The following DNAH17 variants were observed in gnomAD, a reference collection of about 807,000 sequenced individuals.
DNAH17 encodes axonemal beta dynein heavy chain 17.
In DNAH17, 376 loss-of-function variants were observed where a neutral mutation model predicts 485.6. The observed-to-expected ratio is 0.77, with a 90% CI of 0.71 to 0.84. The LOEUF is 0.84. DNAH17 is among the 40% of genes least tolerant of loss of function. The pLI, the probability that DNAH17 is intolerant of heterozygous loss-of-function variation, is 0.00. For synonymous variants in DNAH17, 3,031 were observed against 2,405.9 expected (o/e 1.26, Z -7.60); for missense variants, 6,370 against 5,839.3 (o/e 1.09, Z -2.96).
At chr17:78,507,853 A>G in intron 27 of DNAH17, 48 bp from the exon 28 acceptor site, 1 of 1,457,182 alleles carries the variant, frequency 6.9e-7, no homozygotes, top group Non-Finnish European at 9.1e-7. Context: ...TGGCATGCAA[A>G]GCTCAGGCAG....
At chr17:78,477,657 A>G (rs8073429) in intron 51 of DNAH17, among the ~76,000 whole-genome samples, 6,108 of 152,212 alleles carry the variant, frequency 0.04, 392 homozygotes, top group African/African-American at 0.14. Flanking sequence ...GATTACAGGC[A>G]TGAACCACTG....
chr17:78,577,234 G>A (rs752811), intron 1 of DNAH17, 61 bp downstream of exon 1: 68,896 of 152,248 alleles, frequency 0.45, 17,859 homozygotes, highest in East Asian at 0.7. Flanking sequence ...ATCCTCTGAA[G>A]GCCTCCCTGC....
intron 72 of DNAH17, among the ~76,000 whole-genome samples, chr17:78,440,632 C>T (rs953457953): frequency 6.6e-6 from 1 of 152,128 alleles, no homozygotes; most frequent in Non-Finnish European, 1.5e-5. Context: ...TCCACTTATC[C>T]ATTTGTCAGT....
At chr17:78,544,450 G>A in intron 16 of DNAH17, among the ~76,000 whole-genome samples, 1 of 152,174 alleles carries the variant, frequency 6.6e-6, no homozygotes. Flanking sequence ...GGGTGGGAAA[G>A]GGTAGAGAGT....
At position 78,438,258 on chromosome 17, in the gene DNAH17, C is replaced by T. The variant is rs750070290; in HGVS notation, c.11806-390G>A. On this transcript the variant is annotated intron_variant, in intron 73 of 80. Coordinates refer to ENST00000389840, the MANE Select transcript of DNAH17 (RefSeq NM_173628.4). ...TGAGGTCGACACACACTGTAAGACC[C>T]GTGGAAGCTGGGACAGGCCCAGAGG... 2.0e-5 allele frequency among the ~76,000 whole-genome samples: 3 copies of T among 150,690 alleles called. No homozygotes were observed. In the South Asian group the frequency reaches 6.3e-4, roughly 32 times the overall value.
intron 69 of DNAH17, among the ~76,000 whole-genome samples, chr17:78,447,045 C>T (rs903080258): frequency 6.6e-6 from 1 of 152,082 alleles, no homozygotes; most frequent in Non-Finnish European, 1.5e-5. Flanking sequence ...CTCAAGTGAC[C>T]CGCCTATCTC....
chr17:78,488,145 G>C (rs1291747869), intron 44 of DNAH17, among the ~76,000 whole-genome samples: 1 of 152,224 alleles, frequency 6.6e-6, no homozygotes, highest in Non-Finnish European at 1.5e-5. Flanking sequence ...AGGAGTCACT[G>C]AGTGCGGGTC....
At chr17:78,501,573 G>A in intron 34 of DNAH17, 169 bp downstream of exon 34, 1 of 1,041,900 alleles carries the variant, frequency 9.6e-7, no homozygotes, top group Non-Finnish European at 1.4e-6. Flanking sequence ...GCTGTGTGTT[G>A]CTCACCAGGG....
At chr17:78,544,332 C>T (rs7207778) in intron 16 of DNAH17, among the ~76,000 whole-genome samples, 90,654 of 151,898 alleles carry the variant, frequency 0.6, 28,478 homozygotes, top group African/African-American at 0.8. Flanking sequence ...CGGAAGGACC[C>T]GAGCGTCGAG....
At chr17:78,490,548 A>T (rs2146668350) in intron 44 of DNAH17, 151 bp downstream of exon 44, 1 of 1,038,646 alleles carries the variant, frequency 9.6e-7, no homozygotes, top group Non-Finnish European at 1.4e-6. Flanking sequence ...CAGGTCTCTC[A>T]CCCCTTCACT....
At chr17:78,437,448 T>C (rs1461819989) in intron 74 of DNAH17, among the ~76,000 whole-genome samples, 193 bp downstream of exon 74, 1 of 152,238 alleles carries the variant, frequency 6.6e-6, no homozygotes, top group African/African-American at 2.4e-5. Flanking sequence ...CCAGAGCACC[T>C]TAAATTATTT....
At chr17:78,556,367 C>T (rs1156330541) in intron 14 of DNAH17, among the ~76,000 whole-genome samples, 1 of 152,190 alleles carries the variant, frequency 6.6e-6, no homozygotes, top group Non-Finnish European at 1.5e-5. Flanking sequence ...CCCCTTGAGC[C>T]TCCAGAAGGA....
rs773473567 is a variant in DNAH17, at chr17:78,445,649, A to G, written c.11243T>C (p.Val3748Ala). Residue 3748 changes from valine (V) to alanine (A), a missense_variant, in exon 70 of 81, where the codon GTG becomes GCG. By Grantham distance (64) the Val-to-Ala change is moderately conservative. Transcript: ENST00000389840. The part of the protein sequence containing the change: ...VLSMKKELNP[V>A]ELDFLLRFPF... ...GAACCGCAGGAGGAAATCCAGCTCC[A>G]CTGGGTTCAGCTCCTTCTTCATGGA... 12 of 1,577,264 alleles carry G rather than the reference A, an allele frequency of 7.6e-6. No homozygotes were observed. The highest frequency in any genetic ancestry group is 1.7e-4 in the Middle Eastern group (1 of 6,018).
chr17:78,563,312 C>A (rs1185991615), intron 11 of DNAH17, among the ~76,000 whole-genome samples: 1 of 152,100 alleles, frequency 6.6e-6, no homozygotes. Flanking sequence ...CGCTGGTGTC[C>A]TGCCAGCTAC....
chr17:78,574,705 G>A lies in DNAH17; in HGVS notation c.345+8C>T, dbSNP rs755959141. The A allele has an allele frequency of 3.1e-5, 49 of 1,588,162 alleles. No homozygotes were observed. The highest frequency in any genetic ancestry group is 9.0e-5 in the East Asian group (4 of 44,516). On this transcript the variant is annotated splice_region_variant and intron_variant, in intron 2 of 80. Transcript: ENST00000389840. ...CGACACCCCGGATGGCAGCCTGGAC[G>A]CACTCACCTCCTCCACCACCGCGAT... is the stretch of plus-strand genomic sequence containing the variant.
intron 78 of DNAH17, 116 bp from the exon 79 acceptor site, chr17:78,426,716 A>G (rs1458266792): frequency 2.1e-6 from 3 of 1,419,542 alleles, no homozygotes; most frequent in East Asian, 4.6e-5. Flanking sequence ...GCCTCTGGAG[A>G]CGCCCTGCAT....
intron 57 of DNAH17, 119 bp from the exon 58 acceptor site, chr17:78,461,827 C>T (rs1322448130): frequency 1.1e-5 from 10 of 932,796 alleles, no homozygotes; most frequent in African/African-American, 5.1e-5. Context: ...CCGTGTCTTA[C>T]GACTCCCAGT....
At chr17:78,550,226 A>G (rs2091868309) in intron 16 of DNAH17, among the ~76,000 whole-genome samples, 1 of 149,002 alleles carries the variant, frequency 6.7e-6, no homozygotes, top group African/African-American at 2.5e-5. Context: ...TAACACAAGG[A>G]GGCACACGTC....
At position 78,511,857 on chromosome 17, in the gene DNAH17, G is replaced by A. The variant is rs572047860; in HGVS notation, c.4114-1351C>T. On this transcript the variant is annotated intron_variant, in intron 26 of 80. Transcript: ENST00000389840. ...CCCAAGCGTCTCTCCCAGGGCACCC[G>A]GAAGGGGCACATGAACCTGTTACCA... 3.9e-5 allele frequency among the ~76,000 whole-genome samples: 6 copies of A among 152,344 alleles called. No homozygotes were observed. In the South Asian group the frequency reaches 6.2e-4, roughly 16 times the overall value.
Sources: gnomAD v4.1 joint callset for allele counts (sites outside exome capture counted in the v4.1 genomes callset) on GRCh38, gnomAD v4.1.1 for gene constraint, MANE v1.5 for transcripts, NCBI Gene and HGNC (gene_info 2026-07-23, HGNC 2026-07-21) for gene names.